FBXO21: variants seen among roughly 807,000 people sequenced by gnomAD.
The protein encoded by FBXO21 is F-box only protein 21.
FBXO21 carries 32 observed loss-of-function variants against 76.6 expected under a neutral mutation model. That is an observed-to-expected ratio of 0.42 (90% CI 0.32 to 0.56). FBXO21 has a LOEUF of 0.56. FBXO21 is among the 20% of genes least tolerant of loss of function. The pLI is 0.16. For synonymous variants in FBXO21, 328 were observed against 311.5 expected (o/e 1.05, Z -0.56); for missense variants, 586 against 797.3 (o/e 0.73, Z 3.19).
chr12:117,186,575 TGAA>T lies in FBXO21; in HGVS notation c.376-7_376-5del. 2.5e-6 allele frequency: 4 copies of T among 1,596,024 alleles called. No individual in the cohort carries two copies. The highest frequency in any genetic ancestry group is 2.6e-6 in the Non-Finnish European group (3 of 1,168,008). On this transcript the variant is annotated splice_region_variant and splice_polypyrimidine_tract_variant and intron_variant, in intron 2 of 11. Transcript: ENST00000622495. ...CACTGAAGCCATTACAAGGAACCTA[TGAA>T]GAAGACATATACAAGTAGGCCTCAA...
chr12:117,151,884 C>T (rs1196211087), intron 11 of FBXO21, among the ~76,000 whole-genome samples: 3 of 152,128 alleles, frequency 2.0e-5, no homozygotes, highest in Admixed American at 2.0e-4. Context: ...AGTGCTAAAA[C>T]CATGATGTTC....
chr12:117,174,514 A>C, intron 5 of FBXO21, 137 bp downstream of exon 5: 1 of 1,216,236 alleles, frequency 8.2e-7, no homozygotes. Context: ...TCAACACTTC[A>C]ACCAGGTAAA....
At chr12:117,185,201 C>CTACTAGATCA (rs144936949) in intron 3 of FBXO21, among the ~76,000 whole-genome samples, 24,741 of 150,832 alleles carry the variant, frequency 0.16, 2,463 homozygotes, top group Middle Eastern at 0.32. Context: ...ACAATACTGA[C>CTACTAGATCA]TACTAGATCA....
At chr12:117,175,409 A>G (rs1004007934) in intron 4 of FBXO21, among the ~76,000 whole-genome samples, 1 of 152,236 alleles carries the variant, frequency 6.6e-6, no homozygotes, top group African/African-American at 2.4e-5. Context: ...ACTCCTCTTC[A>G]CAGTCTTAGG....
rs1309708927 is a variant in FBXO21, at chr12:117,177,623, T to C, written c.489A>G (p.Lys163=). ...AGTAAAGAATTTTTTTTGCGTAGTA[T>C]TTCCAGGTCAAAGCTTTTCTGGAAA... ...NMEGRKALTW[K]YYAKKILYYL... The change falls in exon 4 of 12, where the codon AAA becomes AAG. Residue 163 remains lysine (K), a synonymous_variant. Transcript: ENST00000622495. 14 of 1,613,650 alleles carry C rather than the reference T, an allele frequency of 8.7e-6. No homozygotes were observed. The South Asian group carries it at 1.4e-4, about 16-fold the overall frequency.
chr12:117,166,972 T>C lies in FBXO21; in HGVS notation c.1119A>G (p.Ala373=). The C allele has an allele frequency of 6.2e-7, 1 of 1,614,184 alleles. No homozygotes were observed. The highest frequency in any genetic ancestry group is 1.1e-5 in the South Asian group (1 of 91,088). Residue 373 remains alanine, a synonymous_variant, in exon 8 of 12, where the codon GCA becomes GCG. Coordinates refer to ENST00000622495, the MANE Select transcript of FBXO21 (RefSeq NM_015002.3). ...TGACATTGACCACCCCATACAGTGC[T>C]GCAGTCACGTGCTGGCCGATCAAGT... is the stretch of plus-strand genomic sequence containing the variant. ...CEYLIGQHVT[A]ALYGVVNVKK...
chr12:117,176,500 T>C (rs1275738200), intron 4 of FBXO21, among the ~76,000 whole-genome samples: 1 of 152,128 alleles, frequency 6.6e-6, no homozygotes, highest in Non-Finnish European at 1.5e-5. Flanking sequence ...AGAGGTTAAA[T>C]ATAAAAGGGA....
Position 117,186,494 on chromosome 12 carries a change from G to T in FBXO21, c.453C>A (p.Ile151=), listed in dbSNP as rs768119581. 1.5e-5 allele frequency: 24 copies of T among 1,610,798 alleles called. No individual in the cohort carries two copies. Among genetic ancestry groups the T allele is most frequent in the Non-Finnish European group, 1.8e-5 (21 of 1,177,848 alleles). The part of the protein sequence containing the change: ...EIFFEDELVC[I]LNMEGRKALT... ...TGGCTTACCTTCCTTCCATATTTAG[G>T]ATACACACCAGTTCATCCTCAAAAA... Residue 151 remains isoleucine, a synonymous_variant, in exon 3 of 12, where the codon ATC becomes ATA. Coordinates refer to ENST00000622495, the MANE Select transcript of FBXO21 (RefSeq NM_015002.3).
At chr12:117,186,397 G>C in intron 3 of FBXO21, 80 bp downstream of exon 3, 1 of 951,706 alleles carries the variant, frequency 1.1e-6, no homozygotes, top group Non-Finnish European at 1.7e-6. Flanking sequence ...ACATATTCCA[G>C]GGTTTAGCCA....
At chr12:117,189,594 TAAC>T (rs376125852) in intron 1 of FBXO21, among the ~76,000 whole-genome samples, 32 of 152,144 alleles carry the variant, frequency 2.1e-4, no homozygotes, top group Middle Eastern at 3.4e-3. Flanking sequence ...GGGACAGTTG[TAAC>T]AACAACAACA....
intron 7 of FBXO21, among the ~76,000 whole-genome samples, chr12:117,170,067 G>A (rs2135868778): frequency 1.4e-5 from 2 of 138,854 alleles, no homozygotes; most frequent in South Asian, 4.9e-4. Context: ...GATCCAAACT[G>A]TATCTAGATA....
At chr12:117,182,854 T>G (rs962613141) in intron 3 of FBXO21, among the ~76,000 whole-genome samples, 32 of 152,156 alleles carry the variant, frequency 2.1e-4, no homozygotes, top group African/African-American at 7.7e-4. Context: ...TGAGCCACCA[T>G]GCCTGGCTGG....
intron 7 of FBXO21, among the ~76,000 whole-genome samples, chr12:117,168,307 C>T (rs1171205218): frequency 3.3e-5 from 5 of 152,102 alleles, no homozygotes; most frequent in South Asian, 2.1e-4. Flanking sequence ...AGGCAGATCA[C>T]GAGGTCAAGA....
intron 2 of FBXO21, among the ~76,000 whole-genome samples, chr12:117,187,745 G>A (rs1297238446): frequency 5.3e-5 from 8 of 152,352 alleles, no homozygotes; most frequent in African/African-American, 1.7e-4. Context: ...AGCTGGACTA[G>A]AAATGGAGGT....
Position 117,170,145 on chromosome 12 carries a change from G to GAAA in FBXO21, c.1013+2323_1013+2325dup, listed in dbSNP as rs58416861. Among the ~76,000 whole-genome samples, 262 of 64,682 alleles carry GAAA rather than the reference G, an allele frequency of 4.1e-3. 4 individuals are homozygous for GAAA. Among genetic ancestry groups the GAAA allele is most frequent in the Non-Finnish European group, 5.4e-3 (176 of 32,582 alleles). 42.4% of individuals were successfully genotyped at this position (64,682 alleles called of 152,430 possible). A position where few individuals can be genotyped will look rare whatever the true frequency, so the allele number is the denominator to read the frequency against. ...ATCTTAAAAATTACCATTTACAACT[G>GAAA]AAAAAAAAAAAAAAAAAAGGAAGGT... On this transcript the variant is annotated intron_variant, in intron 7 of 11. Transcript: ENST00000622495.
chr12:117,181,230 T>C (rs943940944), intron 3 of FBXO21, among the ~76,000 whole-genome samples: 4 of 152,158 alleles, frequency 2.6e-5, no homozygotes, highest in Admixed American at 6.5e-5. Flanking sequence ...TCTTGTTAAG[T>C]TGTTAAGTTT....
chr12:117,174,424 T>A (rs925384741), intron 5 of FBXO21, 83 bp from the exon 6 acceptor site: 1 of 1,442,994 alleles, frequency 6.9e-7, no homozygotes, highest in Non-Finnish European at 9.7e-7. Flanking sequence ...CATGAAGACA[T>A]TGGCAATGGC....
intron 7 of FBXO21, among the ~76,000 whole-genome samples, chr12:117,171,106 G>A (rs1956113286): frequency 6.6e-6 from 1 of 152,102 alleles, no homozygotes; most frequent in South Asian, 2.1e-4. Context: ...GCTCACGCCT[G>A]TAATCCCAGC....
chr12:117,181,175 C>T (rs1956226462), intron 3 of FBXO21, among the ~76,000 whole-genome samples: 1 of 151,540 alleles, frequency 6.6e-6, no homozygotes, highest in South Asian at 2.1e-4. Flanking sequence ...ATTTGAAATT[C>T]ATTTTCCAGG....
Sources: gnomAD v4.1 joint callset for allele counts (sites outside exome capture counted in the v4.1 genomes callset) on GRCh38, gnomAD v4.1.1 for gene constraint, MANE v1.5 for transcripts, NCBI Gene and HGNC (gene_info 2026-07-23, HGNC 2026-07-21) for gene names.